The following MFHAS1 variants were observed in gnomAD, a reference collection of about 807,000 sequenced individuals.
MFHAS1 encodes malignant fibrous histiocytoma-amplified sequence 1.
A neutral mutation model predicts 70.4 loss-of-function variants in MFHAS1; 50 were observed. The ratio of observed to expected loss-of-function variants is 0.71; its 90% CI spans 0.57 to 0.90. MFHAS1 has a LOEUF of 0.90. Ranked by LOEUF, MFHAS1 falls within the 40% of genes least tolerant of loss-of-function variation. The pLI is 0.00. For synonymous variants in MFHAS1, 952 were observed against 620.0 expected (o/e 1.54, Z -7.96); for missense variants, 1,795 against 1,347.6 (o/e 1.33, Z -5.20).
intron 1 of MFHAS1, among the ~76,000 whole-genome samples, chr8:8,880,759 A>C (rs1453955476): frequency 6.7e-6 from 1 of 149,756 alleles, no homozygotes; most frequent in African/African-American, 2.5e-5. Flanking sequence ...ATCTCAGCTC[A>C]CTGCAACCTC....
chr8:8,892,476 C>A lies in MFHAS1; in HGVS notation c.583G>T (p.Ala195Ser). ...AGCTGCAGCAGCTGCCGGGGGAAGG[C>A]AGTGAGCTGGTTGTGATCCACGTCC... is the stretch of plus-strand genomic sequence containing the variant. ...TLDVDHNQLT[A>S]FPRQLLQLVA... The change falls in exon 1 of 3, where the codon GCC (alanine) becomes TCC (serine). Residue 195 changes from alanine (A) to serine (S), a missense_variant. Coordinates refer to ENST00000276282, the MANE Select transcript of MFHAS1 (RefSeq NM_004225.3). The surrounding 1 kb of genome is among the most constrained non-coding windows in gnomAD (Gnocchi z 4.7). 2.5e-6 allele frequency: 4 copies of A among 1,607,430 alleles called. No homozygotes were observed. Among genetic ancestry groups the A allele is most frequent in the African/African-American group, 1.3e-5 (1 of 74,852 alleles).
At chr8:8,820,760 T>C (rs1419833470) in intron 1 of MFHAS1, among the ~76,000 whole-genome samples, 1 of 152,028 alleles carries the variant, frequency 6.6e-6, no homozygotes. Flanking sequence ...CCCGGGAAAA[T>C]CTCTAGCCGT....
intron 1 of MFHAS1, among the ~76,000 whole-genome samples, chr8:8,854,463 G>T (rs1015953768): frequency 1.3e-5 from 2 of 151,894 alleles, no homozygotes; most frequent in Non-Finnish European, 2.9e-5. Flanking sequence ...CGTACTTGCA[G>T]TGAGCTGAGA....
At chr8:8,851,962 G>A (rs1808261677) in intron 1 of MFHAS1, among the ~76,000 whole-genome samples, 1 of 152,116 alleles carries the variant, frequency 6.6e-6, no homozygotes, top group Non-Finnish European at 1.5e-5. Flanking sequence ...GAGGTCACCA[G>A]GCGGATCCCT....
At chr8:8,833,444 C>T (rs1807483568) in intron 1 of MFHAS1, among the ~76,000 whole-genome samples, 1 of 152,004 alleles carries the variant, frequency 6.6e-6, no homozygotes, top group African/African-American at 2.4e-5. Flanking sequence ...GCCTGGGCAA[C>T]ACAGGGAGAC....
intron 1 of MFHAS1, among the ~76,000 whole-genome samples, chr8:8,866,972 G>C (rs1048002121): frequency 1.3e-5 from 2 of 152,104 alleles, no homozygotes; most frequent in African/African-American, 2.4e-5. Context: ...CCCATCATTT[G>C]CAAGTCACTA....
intron 1 of MFHAS1, among the ~76,000 whole-genome samples, chr8:8,848,975 T>C (rs1459339373): frequency 4.0e-5 from 6 of 151,352 alleles, no homozygotes; most frequent in African/African-American, 1.5e-4. Flanking sequence ...CTTAAATTGC[T>C]ACATGATGGA....
intron 1 of MFHAS1, among the ~76,000 whole-genome samples, chr8:8,811,373 T>C (rs151087788): frequency 6.6e-6 from 1 of 151,986 alleles, no homozygotes; most frequent in East Asian, 1.9e-4. Flanking sequence ...AGTGGCGCAA[T>C]CATAGCTCAC....
chr8:8,857,166 C>G (rs963724639), intron 1 of MFHAS1, among the ~76,000 whole-genome samples: 4 of 151,984 alleles, frequency 2.6e-5, no homozygotes, highest in South Asian at 4.1e-4. Flanking sequence ...AAAAAAGAAG[C>G]CTATCAATTC....
intron 1 of MFHAS1, among the ~76,000 whole-genome samples, chr8:8,866,604 C>T (rs1197548069): frequency 6.6e-6 from 1 of 152,172 alleles, no homozygotes; most frequent in Non-Finnish European, 1.5e-5. Context: ...AGGCATGAGC[C>T]ACTGCAGTCA....
At chr8:8,883,088 G>T (rs1216949030) in intron 1 of MFHAS1, among the ~76,000 whole-genome samples, 1 of 152,098 alleles carries the variant, frequency 6.6e-6, no homozygotes, top group African/African-American at 2.4e-5. Flanking sequence ...AGGAGGTGGA[G>T]GTTGCAGTGA....
At position 8,836,206 on chromosome 8, in the gene MFHAS1, C is replaced by T. The variant is rs114259566; in HGVS notation, c.2999-38715G>A. On this transcript the variant is annotated intron_variant, in intron 1 of 2. Transcript: ENST00000276282. ...AAAGGCTGTGTATGTGAGAAAAGCA[C>T]ACTGTTTCAATTGCAAATTTCAGGC... Among the ~76,000 whole-genome samples, 161 of 152,280 alleles carry T rather than the reference C, an allele frequency of 1.1e-3. 1 individual carries two copies. The highest frequency in any genetic ancestry group is 1.6e-3 in the Non-Finnish European group (106 of 68,024).
chr8:8,813,085 G>GA (rs1563185138), intron 1 of MFHAS1, among the ~76,000 whole-genome samples: 1 of 152,014 alleles, frequency 6.6e-6, no homozygotes, highest in African/African-American at 2.4e-5. Flanking sequence ...ATGACTTTTC[G>GA]AGCAATGGTA....
chr8:8,854,584 C>A (rs1464418275), intron 1 of MFHAS1, among the ~76,000 whole-genome samples: 1 of 151,054 alleles, frequency 6.6e-6, no homozygotes, highest in Admixed American at 6.6e-5. Flanking sequence ...ACTCAGGAGG[C>A]CGAGGTATGA....
At chr8:8,806,833 C>T (rs1187751071) in intron 1 of MFHAS1, among the ~76,000 whole-genome samples, 1 of 152,010 alleles carries the variant, frequency 6.6e-6, no homozygotes, top group Non-Finnish European at 1.5e-5. Context: ...AGGTGGTACA[C>T]ATCTGTAATC....
Position 8,859,730 on chromosome 8 carries a change from A to G in MFHAS1, c.2998+30331T>C, listed in dbSNP as rs188782671. On this transcript the variant is annotated intron_variant, in intron 1 of 2. Transcript: ENST00000276282. ...TGTAAGAATATAGTATCTAATATCT[A>G]TAATGTACAAAATATGTGCTATTGA... Among the ~76,000 whole-genome samples, 480 of 152,344 alleles carry G rather than the reference A, an allele frequency of 3.2e-3. 2 individuals carry two copies. Among genetic ancestry groups the G allele is most frequent in the African/African-American group, 0.011 (460 of 41,586 alleles).
intron 1 of MFHAS1, among the ~76,000 whole-genome samples, chr8:8,827,691 A>G (rs1807214198): frequency 6.6e-6 from 1 of 152,144 alleles, no homozygotes; most frequent in African/African-American, 2.4e-5. Context: ...CATTTATGGA[A>G]TTTTTGCCCA....
intron 1 of MFHAS1, among the ~76,000 whole-genome samples, chr8:8,846,271 GGA>G (rs201075941): frequency 0.34 from 34,388 of 102,324 alleles, 7,085 homozygotes; most frequent in East Asian, 0.68. Context: ...AGGGGGGGGG[GGA>G]AGGAGGAGGA....
At chr8:8,822,347 G>C (rs953682436) in intron 1 of MFHAS1, among the ~76,000 whole-genome samples, 83 of 152,210 alleles carry the variant, frequency 5.5e-4, no homozygotes, top group African/African-American at 2.0e-3. Context: ...GAGAGGGTGA[G>C]ATGGCACTGA....
Sources: gnomAD v4.1 joint callset for allele counts (sites outside exome capture counted in the v4.1 genomes callset) on GRCh38, gnomAD v4.1.1 for gene constraint, Gnocchi (gnomAD v3.1) non-coding constraint, MANE v1.5 for transcripts, NCBI Gene and HGNC (gene_info 2026-07-23, HGNC 2026-07-21) for gene names.